The following CUBN variants were observed in gnomAD, a reference collection of about 807,000 sequenced individuals.
CUBN encodes the protein cubilin, also known as 460 kDa receptor.
In CUBN, 282 loss-of-function variants were observed where a neutral mutation model predicts 405.3. The ratio of observed to expected loss-of-function variants is 0.70; its 90% CI spans 0.63 to 0.77. The LOEUF (loss-of-function observed/expected upper bound fraction) is 0.77, where lower values mean the gene tolerates loss of function less well. CUBN is among the 30% of genes least tolerant of loss of function. The pLI is 0.00. For synonymous variants in CUBN, 1,684 were observed against 1,617.0 expected (o/e 1.04, Z -0.99); for missense variants, 4,514 against 4,475.2 (o/e 1.01, Z -0.25).
At chr10:17,112,603 T>C (rs945654942) in intron 8 of CUBN, among the ~76,000 whole-genome samples, 1 of 152,136 alleles carries the variant, frequency 6.6e-6, no homozygotes, top group African/African-American at 2.4e-5. Flanking sequence ...CAAAATGTGA[T>C]TGCTTGCAAA....
intron 47 of CUBN, 104 bp downstream of exon 47, chr10:16,914,928 G>T (rs1161520550): frequency 1.5e-5 from 15 of 996,156 alleles, no homozygotes; most frequent in Non-Finnish European, 1.9e-5. Context: ...GAAAATAGGG[G>T]TCATGTTTTG....
rs577272369 is a variant in CUBN at position 16,940,934 on chromosome 10, C to T, written c.5343-697G>A. On this transcript the variant is annotated intron_variant, in intron 36 of 66. Transcript: ENST00000377833. Reference sequence around the variant, plus strand: ...CAAAATTATGGGATTTGTAACAACACCCGCTGGTGCTTGAATGTGACCTAT... The same window carrying T: ...CAAAATTATGGGATTTGTAACAACATCCGCTGGTGCTTGAATGTGACCTAT... 7.2e-5 allele frequency among the ~76,000 whole-genome samples: 11 copies of T among 152,266 alleles called. 1 individual carries two copies. In the South Asian group the frequency reaches 2.3e-3, roughly 32 times the overall value.
chr10:17,110,916 C>T lies in CUBN; in HGVS notation c.1015+3G>A, dbSNP rs1229103438. 3 of 1,614,212 alleles carry T rather than the reference C, an allele frequency of 1.9e-6. No individual in the cohort carries two copies. Among genetic ancestry groups the T allele is most frequent in the Non-Finnish European group, 2.5e-6 (3 of 1,180,036 alleles). ...GGAGGTTGACATTGAACCGAGGCAG[C>T]ACCTGGTGGACAGGCCTGGCAGTGG... On this transcript the variant is annotated splice_donor_region_variant and intron_variant, in intron 9 of 66. Coordinates refer to ENST00000377833, the MANE Select transcript of CUBN (RefSeq NM_001081.4).
At chr10:17,044,820 A>G (rs1171539303) in intron 25 of CUBN, among the ~76,000 whole-genome samples, 187 bp downstream of exon 25, 1 of 152,180 alleles carries the variant, frequency 6.6e-6, no homozygotes, top group Non-Finnish European at 1.5e-5. Context: ...TAGTGTATCG[A>G]GCCATTGAGT....
At position 17,104,643 on chromosome 10, in the gene CUBN, T is replaced by C. The variant is rs1449638662; in HGVS notation, c.1231-38A>G. ...AAAACACATAATACCATAAAACAAA[T>C]GGATAGACACTAAACTTTAATCAAC... On this transcript the variant is annotated intron_variant, in intron 11 of 66. Coordinates refer to ENST00000377833, the MANE Select transcript of CUBN (RefSeq NM_001081.4). 7 of 1,517,482 alleles carry C rather than the reference T, an allele frequency of 4.6e-6. No individual in the cohort carries two copies. The African/African-American group carries it at 5.6e-5, about 12-fold the overall frequency. 94.0% of individuals were successfully genotyped at this position (1,517,482 alleles called of 1,614,324 possible). A position where few individuals can be genotyped will look rare whatever the true frequency, so the allele number is the denominator to read the frequency against.
At position 16,828,809 on chromosome 10, in the gene CUBN, C is replaced by T; in HGVS notation, c.10760G>A (p.Gly3587Glu). 3 of 1,607,820 alleles carry T rather than the reference C, an allele frequency of 1.9e-6. No individual in the cohort carries two copies. The highest frequency in any genetic ancestry group is 2.6e-6 in the Non-Finnish European group (3 of 1,174,244). The change falls in exon 66 of 67, where the codon GGA becomes GAA. Residue 3587 changes from glycine to glutamate, a missense_variant. Coordinates refer to ENST00000377833, the MANE Select transcript of CUBN (RefSeq NM_001081.4). Reference sequence around the variant, plus strand: ...TAAAATGTTTGTTTTACTCACGCCTCCGCAGTATGGTCCAGAGGATGGAGA... The same window carrying T: ...TAAAATGTTTGTTTTACTCACGCCTTCGCAGTATGGTCCAGAGGATGGAGA... ...ASSPSSGPYCGGDTSIAPFVA... is the reference protein window; with the variant it reads ...ASSPSSGPYCEGDTSIAPFVA...
chr10:17,109,687 A>T lies in CUBN; in HGVS notation c.1064T>A (p.Val355Asp), dbSNP rs780803536. 2 of 1,613,834 alleles carry T rather than the reference A, an allele frequency of 1.2e-6. No homozygotes were observed. The highest frequency in any genetic ancestry group is 1.7e-5 in the Admixed American group (1 of 59,974). The change falls in exon 10 of 67, where the codon GTC (valine) becomes GAC (aspartate). Residue 355 changes from valine (V) to aspartate (D), a missense_variant. Physicochemically the swap from Val to Asp is radical, Grantham distance 152 (BLOSUM62 -3). Transcript: ENST00000377833. Reference sequence around the variant, plus strand: ...ATCTGGGTGGCAGCCTCCATTACTGACTGAGCAGATGTCTGTGAGTGTGCA... The same window carrying T: ...ATCTGGGTGGCAGCCTCCATTACTGTCTGAGCAGATGTCTGTGAGTGTGCA... ...RVCTLTDICS[V>D]SNGGCHPDAS...
At chr10:17,010,536 G>GAT (rs1834151776) in intron 28 of CUBN, among the ~76,000 whole-genome samples, 4 of 152,062 alleles carry the variant, frequency 2.6e-5, no homozygotes, top group Admixed American at 2.0e-4. Flanking sequence ...CTACTCAAGA[G>GAT]GCTGAAGTGA....
At chr10:17,048,455 G>A (rs1835188184) in intron 22 of CUBN, among the ~76,000 whole-genome samples, 2 of 152,102 alleles carry the variant, frequency 1.3e-5, no homozygotes, top group Non-Finnish European at 2.9e-5. Context: ...ATTTTACAAA[G>A]AAAATCTGGT....
intron 10 of CUBN, among the ~76,000 whole-genome samples, chr10:17,108,500 G>A (rs756233472): frequency 6.6e-6 from 1 of 151,918 alleles, no homozygotes; most frequent in Non-Finnish European, 1.5e-5. Context: ...CAAGAGACAT[G>A]ATTATTCAAG....
At chr10:17,004,456 T>C (rs530224407) in intron 28 of CUBN, among the ~76,000 whole-genome samples, 14 of 152,360 alleles carry the variant, frequency 9.2e-5, no homozygotes, top group Non-Finnish European at 1.6e-4. Flanking sequence ...ATACATCCCC[T>C]GAACATCTCA....
At chr10:16,836,103 G>C (rs1839159852) in intron 63 of CUBN, 132 bp downstream of exon 63, 1 of 872,438 alleles carries the variant, frequency 1.1e-6, no homozygotes, top group Non-Finnish European at 1.9e-6. Context: ...CTAGTTAAGA[G>C]AGGGATGTGG....
At chr10:17,022,792 C>A (rs1398228413) in intron 27 of CUBN, among the ~76,000 whole-genome samples, 1 of 152,208 alleles carries the variant, frequency 6.6e-6, no homozygotes, top group Non-Finnish European at 1.5e-5. Flanking sequence ...AAATGCTCTA[C>A]CATCTTTCAC....
intron 54 of CUBN, among the ~76,000 whole-genome samples, chr10:16,890,997 A>G (rs901559306): frequency 6.6e-6 from 1 of 152,206 alleles, no homozygotes; most frequent in African/African-American, 2.4e-5. Context: ...AAGTATACGT[A>G]TAATCAGCAT....
chr10:17,020,705 TTG>T (rs570851736), intron 27 of CUBN, among the ~76,000 whole-genome samples: 27 of 152,304 alleles, frequency 1.8e-4, no homozygotes, highest in African/African-American at 6.3e-4. Flanking sequence ...ATGTATTTAA[TTG>T]TGTTTCTTGT....
At chr10:16,951,894 C>T (rs1842930778) in intron 33 of CUBN, among the ~76,000 whole-genome samples, 1 of 152,134 alleles carries the variant, frequency 6.6e-6, no homozygotes, top group South Asian at 2.1e-4. Flanking sequence ...TGAACATCAG[C>T]TATACTCAAG....
chr10:17,094,731 C>T (rs1015829017), intron 14 of CUBN, among the ~76,000 whole-genome samples: 4 of 151,722 alleles, frequency 2.6e-5, no homozygotes, highest in African/African-American at 9.7e-5. Flanking sequence ...GAAAACTATA[C>T]CACATTAATG....
intron 6 of CUBN, among the ~76,000 whole-genome samples, chr10:17,119,578 T>C (rs1041048990): frequency 2.6e-5 from 4 of 152,164 alleles, no homozygotes; most frequent in Non-Finnish European, 5.9e-5. Context: ...GAGAATTGCT[T>C]GTACCCAGGA....
intron 62 of CUBN, among the ~76,000 whole-genome samples, chr10:16,839,666 T>C (rs780620): frequency 0.2 from 13,987 of 70,238 alleles, 2,764 homozygotes; most frequent in Middle Eastern, 0.45. Flanking sequence ...GGTGATTCCT[T>C]AGGGATCTAG....
Sources: allele counts gnomAD v4.1 joint callset (sites outside exome capture counted in the v4.1 genomes callset), GRCh38; gene constraint gnomAD v4.1.1; transcripts MANE v1.5; gene names NCBI Gene and HGNC (gene_info 2026-07-23, HGNC 2026-07-21).